Variants in PELP1 observed in about 807,000 individuals in gnomAD.
PELP1 encodes proline-, glutamic acid- and leucine-rich protein 1.
In PELP1, 32 loss-of-function variants were observed where a neutral mutation model predicts 95.5. The observed-to-expected ratio is 0.34, with a 90% CI of 0.25 to 0.45. The LOEUF (loss-of-function observed/expected upper bound fraction) is 0.45, where lower values mean the gene tolerates loss of function less well. Among genes scored for constraint, PELP1 ranks in the 20% least tolerant of loss-of-function variants. PELP1 has a pLI of 1.00. For synonymous variants in PELP1, 668 were observed against 600.1 expected, an observed-to-expected ratio of 1.11 and a Z score of -1.65; for missense variants, 1,358 against 1,444.8, an observed-to-expected ratio of 0.94 and a Z score of 0.97.
At position 4,691,422 on chromosome 17, in the gene PELP1, T is replaced by G. The variant is rs540335623; in HGVS notation, c.270A>C (p.Ala90=). The G allele has an allele frequency of 6.2e-7, 1 of 1,613,606 alleles. No individual in the cohort carries two copies. Among genetic ancestry groups the G allele is most frequent in the Non-Finnish European group, 8.5e-7 (1 of 1,179,590 alleles). ...GGAQNLSALG[A]LVSLSNARLS... ...GACGTGCATTACTGAGACTCACCAA[T>G]GCCCCAAGAGCTGAAAGGTTCTGGA... The change falls in exon 2 of 17, where the codon GCA becomes GCC. Residue 90 remains alanine, a synonymous_variant. Transcript: ENST00000572293.
chr17:4,672,054 G>C lies in PELP1; in HGVS notation c.2937C>G (p.Pro979=). 6.4e-7 allele frequency: 1 copy of C among 1,564,136 alleles called. No homozygotes were observed. The highest frequency in any genetic ancestry group is 2.3e-5 in the East Asian group (1 of 42,690). ...GAGGCAGAGCTGGAGGCAGGGTTGG[G>C]GGTGGAGGTGCACCTTCTTCTACCT... is the stretch of plus-strand genomic sequence containing the variant. The part of the protein sequence containing the change: ...GGEVEEGAPP[P]PTLPPALPPP... Residue 979 remains proline (P), a synonymous_variant, in exon 16 of 17, where the codon CCC becomes CCG. Transcript: ENST00000572293.
chr17:4,685,847 AG>A (rs1912891841), intron 3 of PELP1, among the ~76,000 whole-genome samples: 1 of 151,540 alleles, frequency 6.6e-6, no homozygotes, highest in African/African-American at 2.4e-5. Flanking sequence ...CTGTAATCCC[AG>A]CACTTTGGAA....
chr17:4,699,876 T>G (rs1432843518), intron 1 of PELP1, among the ~76,000 whole-genome samples: 1 of 140,560 alleles, frequency 7.1e-6, no homozygotes, highest in Non-Finnish European at 1.5e-5. Flanking sequence ...TGTGAGTCAC[T>G]GCACCCAGCC....
At position 4,691,442 on chromosome 17, in the gene PELP1, T is replaced by C. The variant is rs370043948; in HGVS notation, c.250A>G (p.Asn84Asp). The C allele has an allele frequency of 6.2e-7, 1 of 1,612,140 alleles. No homozygotes were observed. The highest frequency in any genetic ancestry group is 1.3e-5 in the African/African-American group (1 of 74,860). The stretch of plus-strand genomic sequence containing the variant: ...ACCAATGCCCCAAGAGCTGAAAGGT[T>C]CTGGAGGAAAGAAAACAGGGAAGCG... ...RLHGSVGGAQNLSALGALVSL... is the reference protein window; with the variant it reads ...RLHGSVGGAQDLSALGALVSL... The change falls in exon 2 of 17, where the codon AAC (asparagine) becomes GAC (aspartate). Residue 84 changes from asparagine to aspartate, a missense_variant and splice_region_variant. Coordinates refer to ENST00000572293, the MANE Select transcript of PELP1 (RefSeq NM_014389.3).
rs1274600151 is a variant in PELP1 at position 4,674,974 on chromosome 17, A to G, written c.1275-18T>C. ...GAACCGTGCTGTGTCATGAGCAAAG[A>G]TGGCAGTTATGAATGGGGGGTCAAC... is the stretch of plus-strand genomic sequence containing the variant. On this transcript the variant is annotated intron_variant, in intron 11 of 16. Coordinates refer to ENST00000572293, the MANE Select transcript of PELP1 (RefSeq NM_014389.3). 1 of 1,606,196 alleles carries G rather than the reference A, an allele frequency of 6.2e-7. No homozygotes were observed. Among genetic ancestry groups the G allele is most frequent in the East Asian group, 2.2e-5 (1 of 44,668 alleles).
At chr17:4,674,749 C>G in intron 12 of PELP1, 60 bp downstream of exon 12, 1 of 1,586,112 alleles carries the variant, frequency 6.3e-7, no homozygotes, top group Non-Finnish European at 8.6e-7. Context: ...GTTTCCTGAG[C>G]AGGCACACTT....
chr17:4,674,409 A>T, intron 13 of PELP1, 101 bp downstream of exon 13: 1 of 1,126,080 alleles, frequency 8.9e-7, no homozygotes. Flanking sequence ...CTCTCCCCAC[A>T]AAAGTTTCAC....
In PELP1 at chr17:4,671,676, T is replaced by C. The variant is rs1912207012; in HGVS notation, c.3300+15A>G. 6.3e-7 allele frequency: 1 copy of C among 1,586,958 alleles called. No homozygotes were observed. Among genetic ancestry groups the C allele is most frequent in the Non-Finnish European group, 8.5e-7 (1 of 1,170,240 alleles). ...ACCTTCTCGCCCAAGGAACCTTCCC[T>C]GCCTGGCCTCTCACCTTTTCCTGGA... On this transcript the variant is annotated intron_variant, in intron 16 of 16. Transcript: ENST00000572293.
intron 1 of PELP1, among the ~76,000 whole-genome samples, chr17:4,702,091 G>A (rs953876612): frequency 2.0e-5 from 3 of 152,118 alleles, no homozygotes; most frequent in Non-Finnish European, 4.4e-5. Context: ...ATTTATAGGC[G>A]GGATAGGTAA....
At chr17:4,690,051 A>G (rs2150562291) in intron 3 of PELP1, among the ~76,000 whole-genome samples, 1 of 152,210 alleles carries the variant, frequency 6.6e-6, no homozygotes, top group African/African-American at 2.4e-5. Context: ...AGAGAGAGAG[A>G]GAGAAAATGT....
chr17:4,703,833 G>A (rs748100538), intron 1 of PELP1, 30 bp downstream of exon 1: 1 of 1,584,186 alleles, frequency 6.3e-7, no homozygotes, highest in African/African-American at 1.3e-5. Context: ...CCTCCCCACA[G>A]GGCCGCGGGC....
At chr17:4,699,743 C>A (rs1192306623) in intron 1 of PELP1, among the ~76,000 whole-genome samples, 1 of 151,784 alleles carries the variant, frequency 6.6e-6, no homozygotes, top group Admixed American at 6.6e-5. Context: ...TGCGTCACCA[C>A]GCCCAGCTAA....
chr17:4,684,930 ACCTC>A (rs1278043332), intron 3 of PELP1, among the ~76,000 whole-genome samples: 14 of 152,032 alleles, frequency 9.2e-5, no homozygotes, highest in Non-Finnish European at 1.6e-4. Context: ...TGAATTCCTG[ACCTC>A]GTTATCTGCC....
intron 3 of PELP1, among the ~76,000 whole-genome samples, chr17:4,684,327 C>T (rs181940283): frequency 6.6e-6 from 1 of 152,278 alleles, no homozygotes; most frequent in Non-Finnish European, 1.5e-5. Flanking sequence ...GCTACTTCTC[C>T]CACCACTGTC....
In PELP1 at chr17:4,682,937, C is replaced by A; in HGVS notation, c.436G>T (p.Ala146Ser). 6.7e-7 allele frequency: 1 copy of A among 1,491,110 alleles called. No homozygotes were observed. 92.4% of individuals were successfully genotyped at this position (1,491,110 alleles called of 1,614,324 possible). ...QQVLQTQDPP[A>S]TMELAVAVLR... ...ACAGCCACGGCCAGCTCCATTGTGG[C>A]AGGCGGGTCCTGGGTCTAAAGAAAA... Residue 146 changes from alanine (A) to serine (S), a missense_variant, in exon 4 of 17, where the codon GCC becomes TCC. Ala to Ser is a moderately conservative substitution (Grantham distance 99). This residue lies in a region of PELP1 where 538 missense variants were observed against 628.1 expected (regional missense o/e 0.86). Transcript: ENST00000572293.
chr17:4,677,179 G>A (rs932236155), intron 5 of PELP1, among the ~76,000 whole-genome samples: 1 of 152,016 alleles, frequency 6.6e-6, no homozygotes, highest in Non-Finnish European at 1.5e-5. Flanking sequence ...CAAAAACGAG[G>A]GTCCAAGCTG....
In PELP1 at chr17:4,674,622, C is replaced by A; in HGVS notation, c.1470G>T (p.Lys490Asn). Residue 490 changes from lysine to asparagine, a missense_variant, in exon 13 of 17, where the codon AAG becomes AAT. By Grantham distance (94) the Lys-to-Asn change is moderately conservative. This residue lies in a region of PELP1 where 538 missense variants were observed against 628.1 expected (regional missense o/e 0.86). Coordinates refer to ENST00000572293, the MANE Select transcript of PELP1 (RefSeq NM_014389.3). ...GCTTTAGCTTCTTGGGGGCGCTAGG[C>A]TTCCCAGTCTGCAAACTCCCATCAG... ...GSPDGSLQTG[K>N]PSAPKKLKLD... 1.2e-6 allele frequency: 2 copies of A among 1,604,784 alleles called. No homozygotes were observed.
intron 1 of PELP1, chr17:4,691,645 T>C: frequency 1.7e-6 from 1 of 574,938 alleles, no homozygotes; most frequent in Admixed American, 3.1e-5. Context: ...TTTCCTCAAG[T>C]TATATTTTGC....
At position 4,674,823 on chromosome 17, in the gene PELP1, C is replaced by T; in HGVS notation, c.1408G>A (p.Ala470Thr). 6.2e-7 allele frequency: 1 copy of T among 1,612,200 alleles called. No homozygotes were observed. Among genetic ancestry groups the T allele is most frequent in the Non-Finnish European group, 8.5e-7 (1 of 1,179,042 alleles). ...GGCCTCCTCACCTTAAGGGCATCAG[C>T]TGGCGGGGAGATGTCGCTGAGCAGG... The part of the protein sequence containing the change: ...THLLSDISPP[A>T]DALKLRSPRG... Residue 470 changes from alanine (A) to threonine (T), a missense_variant, in exon 12 of 17, where the codon GCT (alanine) becomes ACT (threonine). Transcript: ENST00000572293.
Sources: gnomAD v4.1 joint callset for allele counts (sites outside exome capture counted in the v4.1 genomes callset) on GRCh38, gnomAD v4.1.1 for gene constraint, gnomAD v4.1.1 regional missense constraint, MANE v1.5 for transcripts, NCBI Gene and HGNC (gene_info 2026-07-23, HGNC 2026-07-21) for gene names.